Variants in ZNF804A observed in about 807,000 individuals in gnomAD.
The protein encoded by ZNF804A is zinc finger protein 804A.
ZNF804A carries 2 observed loss-of-function variants against 16.5 expected under a neutral mutation model. That is an observed-to-expected ratio of 0.12 (90% CI 0.05 to 0.38). The LOEUF is 0.38. Ranked by LOEUF, ZNF804A falls within the 10% of genes least tolerant of loss-of-function variation. The pLI is 0.99. For synonymous variants in ZNF804A, 534 were observed against 489.6 expected (o/e 1.09, Z -1.20); for missense variants, 1,473 against 1,390.7 (o/e 1.06, Z -0.94).
At chr2:184,695,465 T>TAAA (rs779929990) in intron 1 of ZNF804A, among the ~76,000 whole-genome samples, 2,603 of 51,778 alleles carry the variant, frequency 0.05, 140 homozygotes, top group Middle Eastern at 0.066. Context: ...ACTCCGTCAT[T>TAAA]AAAAAAAAAA....
chr2:184,858,311 C>G (rs1301666075), intron 1 of ZNF804A, among the ~76,000 whole-genome samples: 1 of 151,872 alleles, frequency 6.6e-6, no homozygotes, highest in Non-Finnish European at 1.5e-5. Flanking sequence ...CAAGACCAAC[C>G]TGGACAACAT....
chr2:184,912,452 A>G (rs1685375720), intron 2 of ZNF804A, among the ~76,000 whole-genome samples: 1 of 151,992 alleles, frequency 6.6e-6, no homozygotes, highest in Admixed American at 6.6e-5. Flanking sequence ...TTTTCAAACA[A>G]TTTGGGCATA....
chr2:184,913,120 G>T (rs771305021), intron 2 of ZNF804A, among the ~76,000 whole-genome samples: 1 of 152,004 alleles, frequency 6.6e-6, no homozygotes, highest in Non-Finnish European at 1.5e-5. Context: ...GTGTGAGGTA[G>T]ATGTTCAATA....
In ZNF804A at chr2:184,900,699, GAAT is replaced by G. The variant is rs1174175910; in HGVS notation, c.256-32903_256-32901del. Among the ~76,000 whole-genome samples the G allele has an allele frequency of 3.9e-5, 6 of 152,228 alleles. No homozygotes were observed. The East Asian group carries it at 1.2e-3, about 29-fold the overall frequency. ...AGGGCAGTTAGCCAGAGAAGACTGG[GAAT>G]GCTTTGGGGACTGTGATACAGGACA... On this transcript the variant is annotated intron_variant, in intron 2 of 3. Transcript: ENST00000302277.
At chr2:184,911,681 C>G (rs543913311) in intron 2 of ZNF804A, among the ~76,000 whole-genome samples, 1 of 146,204 alleles carries the variant, frequency 6.8e-6, no homozygotes, top group South Asian at 2.1e-4. Flanking sequence ...TTGTGGAGAC[C>G]TTTCACCTCC....
intron 1 of ZNF804A, among the ~76,000 whole-genome samples, chr2:184,660,977 G>T (rs967208671): frequency 2.0e-5 from 3 of 152,132 alleles, no homozygotes; most frequent in Non-Finnish European, 4.4e-5. Flanking sequence ...AGTGTCTTGT[G>T]CAATGAACTA....
chr2:184,866,117 T>C (rs1695874286), intron 1 of ZNF804A, among the ~76,000 whole-genome samples: 2 of 152,212 alleles, frequency 1.3e-5, no homozygotes, highest in African/African-American at 2.4e-5. Context: ...AGGACTTCTA[T>C]TTATTTCTAT....
rs774414610 is a variant in ZNF804A, at chr2:184,938,632, C to T, written c.3236C>T (p.Thr1079Ile). 8 of 1,614,004 alleles carry T rather than the reference C, an allele frequency of 5.0e-6. No homozygotes were observed. Among genetic ancestry groups the T allele is most frequent in the Non-Finnish European group, 5.1e-6 (6 of 1,179,968 alleles). The stretch of plus-strand genomic sequence containing the variant: ...CCAGCTGCCCTCCCACCCCCTAGCA[C>T]ACCTCTGCAGCCTTTGCCTTTGCAG... ...FPPAALPPPS[T>I]PLQPLPLQQS... Residue 1079 changes from threonine to isoleucine, a missense_variant, in exon 4 of 4, where the codon ACA (threonine) becomes ATA (isoleucine). Physicochemically the swap from Thr to Ile is moderately conservative, Grantham distance 89. Coordinates refer to ENST00000302277, the MANE Select transcript of ZNF804A (RefSeq NM_194250.2).
At chr2:184,661,324 C>T (rs796718506) in intron 1 of ZNF804A, among the ~76,000 whole-genome samples, 8 of 152,242 alleles carry the variant, frequency 5.3e-5, no homozygotes, top group African/African-American at 1.7e-4. Flanking sequence ...CTCTTTCACT[C>T]GCACCAACCA....
At chr2:184,664,257 T>C (rs1450523217) in intron 1 of ZNF804A, among the ~76,000 whole-genome samples, 1 of 152,134 alleles carries the variant, frequency 6.6e-6, no homozygotes, top group Non-Finnish European at 1.5e-5. Context: ...AAATAAGCAC[T>C]GGAACAAAAT....
At chr2:184,604,463 G>A (rs976082448) in intron 1 of ZNF804A, among the ~76,000 whole-genome samples, 4 of 151,934 alleles carry the variant, frequency 2.6e-5, no homozygotes, top group Admixed American at 1.3e-4. Context: ...GTGAGCCACC[G>A]CGCTCGGCCA....
At chr2:184,691,016 T>C (rs1692716839) in intron 1 of ZNF804A, among the ~76,000 whole-genome samples, 1 of 152,008 alleles carries the variant, frequency 6.6e-6, no homozygotes, top group Non-Finnish European at 1.5e-5. Context: ...GAGCAAAACT[T>C]ATAAAGAAGA....
chr2:184,654,925 T>TA (rs1692049836), intron 1 of ZNF804A, among the ~76,000 whole-genome samples: 1 of 152,190 alleles, frequency 6.6e-6, no homozygotes, highest in South Asian at 2.1e-4. Context: ...GTACCTTGCC[T>TA]ATTTCATTTA....
At chr2:184,901,353 G>C (rs1013696852) in intron 2 of ZNF804A, among the ~76,000 whole-genome samples, 1 of 152,112 alleles carries the variant, frequency 6.6e-6, no homozygotes, top group East Asian at 1.9e-4. Flanking sequence ...TGAAGGGAAG[G>C]AAAGAGAATT....
intron 1 of ZNF804A, among the ~76,000 whole-genome samples, chr2:184,790,805 G>C (rs776106142): frequency 1.3e-5 from 2 of 151,812 alleles, no homozygotes; most frequent in Non-Finnish European, 2.9e-5. Flanking sequence ...GGGTTTCACC[G>C]TGTTAGCCAG....
chr2:184,863,164 A>G (rs1404916719), intron 1 of ZNF804A, among the ~76,000 whole-genome samples: 2 of 152,102 alleles, frequency 1.3e-5, no homozygotes, highest in Non-Finnish European at 2.9e-5. Context: ...TGTCTTTTTT[A>G]TGTGCTTAAA....
intron 2 of ZNF804A, among the ~76,000 whole-genome samples, chr2:184,921,147 A>G (rs1216290507): frequency 6.6e-6 from 1 of 152,156 alleles, no homozygotes; most frequent in Non-Finnish European, 1.5e-5. Context: ...GTGTAACTAT[A>G]CTTGATTTCT....
intron 1 of ZNF804A, among the ~76,000 whole-genome samples, chr2:184,717,013 C>T (rs530150232): frequency 6.6e-6 from 1 of 152,230 alleles, no homozygotes; most frequent in South Asian, 2.1e-4. Context: ...CATAACTCCT[C>T]TCTAAAATCA....
At chr2:184,892,587 C>A (rs1008981645) in intron 2 of ZNF804A, among the ~76,000 whole-genome samples, 1 of 148,406 alleles carries the variant, frequency 6.7e-6, no homozygotes, top group Non-Finnish European at 1.5e-5. Flanking sequence ...AAGGTTCAAG[C>A]GAACCTCCTG....
Sources: gnomAD v4.1 joint callset for allele counts (sites outside exome capture counted in the v4.1 genomes callset) on GRCh38, gnomAD v4.1.1 for gene constraint, MANE v1.5 for transcripts, NCBI Gene and HGNC (gene_info 2026-07-23, HGNC 2026-07-21) for gene names.